The following ATXN1 variants were observed in gnomAD, a reference collection of about 807,000 sequenced individuals.
The protein encoded by ATXN1 is ataxin 1, also known as ataxin-1.
ATXN1 carries 8 observed loss-of-function variants against 56.4 expected under a neutral mutation model. That is an observed-to-expected ratio of 0.14 (90% CI 0.08 to 0.26). The LOEUF (loss-of-function observed/expected upper bound fraction) is 0.26, where lower values mean the gene tolerates loss of function less well. Among genes scored for constraint, ATXN1 ranks in the 10% least tolerant of loss-of-function variants. The pLI is 1.00. For synonymous variants in ATXN1, 514 were observed against 494.6 expected (o/e 1.04, Z -0.52); for missense variants, 987 against 1,106.5 (o/e 0.89, Z 1.53).
intron 2 of ATXN1, among the ~76,000 whole-genome samples, chr6:16,703,260 T>C (rs1157319894): frequency 6.6e-6 from 1 of 151,870 alleles, no homozygotes; most frequent in Non-Finnish European, 1.5e-5. Context: ...ATGTTCTCAC[T>C]CATAGGTGGG....
At chr6:16,616,249 T>C (rs1763206522) in intron 3 of ATXN1, 1 of 152,124 alleles carries the variant, frequency 6.6e-6, no homozygotes, top group African/African-American at 2.4e-5. Flanking sequence ...ATCAATATTA[T>C]GGTCAGTTGA....
chr6:16,682,156 C>T (rs150213780), intron 2 of ATXN1, among the ~76,000 whole-genome samples: 1,592 of 151,898 alleles, frequency 0.01, 9 homozygotes, highest in Middle Eastern at 0.037. Context: ...TCAGCATCAC[C>T]CCCTACCCAA....
At chr6:16,385,072 C>G (rs1758210861) in intron 6 of ATXN1, among the ~76,000 whole-genome samples, 1 of 152,070 alleles carries the variant, frequency 6.6e-6, no homozygotes, top group Admixed American at 6.5e-5. Context: ...GAAGAGTACA[C>G]AGGAATGTGT....
chr6:16,759,650 C>A (rs980336619), intron 1 of ATXN1, among the ~76,000 whole-genome samples: 1 of 140,424 alleles, frequency 7.1e-6, no homozygotes, highest in South Asian at 2.3e-4. Flanking sequence ...CAAAACAAAA[C>A]AGAGCAGCCA....
chr6:16,498,722 G>A (rs1490051297), intron 5 of ATXN1, among the ~76,000 whole-genome samples: 1 of 152,132 alleles, frequency 6.6e-6, no homozygotes, highest in African/African-American at 2.4e-5. Flanking sequence ...ATCTCATTGT[G>A]GTTTTGATTT....
intron 5 of ATXN1, among the ~76,000 whole-genome samples, chr6:16,500,750 A>AC (rs1337296041): frequency 2.0e-5 from 3 of 151,276 alleles, no homozygotes; most frequent in Non-Finnish European, 2.9e-5. Flanking sequence ...AAAAAAAAAA[A>AC]AAAAAAAAAA....
intron 4 of ATXN1, among the ~76,000 whole-genome samples, chr6:16,525,132 GACAAGTTGCC>G (rs1761365970): frequency 6.6e-6 from 1 of 152,086 alleles, no homozygotes; most frequent in African/African-American, 2.4e-5. Context: ...AAGTAAATGA[GACAAGTTGCC>G]ATATGATCCA....
chr6:16,758,114 G>C (rs647750), intron 1 of ATXN1, among the ~76,000 whole-genome samples: 28,518 of 152,142 alleles, frequency 0.19, 3,568 homozygotes, highest in Non-Finnish European at 0.27. Context: ...AATACATTCA[G>C]AATGTCTGCC....
chr6:16,716,312 T>C (rs1421207603), intron 2 of ATXN1, among the ~76,000 whole-genome samples: 1 of 152,230 alleles, frequency 6.6e-6, no homozygotes, highest in East Asian at 1.9e-4. Context: ...TGATTTTGCC[T>C]GGGGAAGTCA....
intron 7 of ATXN1, among the ~76,000 whole-genome samples, chr6:16,319,403 GAGA>G (rs1257572887): frequency 6.6e-6 from 1 of 152,172 alleles, no homozygotes; most frequent in East Asian, 1.9e-4. Context: ...CAAAACTATG[GAGA>G]GAGTAAAATG....
chr6:16,629,309 C>A (rs552633423), intron 3 of ATXN1, among the ~76,000 whole-genome samples: 1 of 152,216 alleles, frequency 6.6e-6, no homozygotes, highest in South Asian at 2.1e-4. Context: ...CTCACTTTTT[C>A]ATGGGGTTGA....
At chr6:16,550,155 C>CAAAAAAAAAAAAAAAAAA (rs70999336) in intron 4 of ATXN1, among the ~76,000 whole-genome samples, 1 of 91,196 alleles carries the variant, frequency 1.1e-5, no homozygotes, top group Non-Finnish European at 2.3e-5. Flanking sequence ...AAATAAAATA[C>CAAAAAAAAAAAAAAAAAA]AAAAAAAAAA....
At chr6:16,555,498 A>T (rs1215698726) in intron 4 of ATXN1, among the ~76,000 whole-genome samples, 1 of 152,096 alleles carries the variant, frequency 6.6e-6, no homozygotes, top group Non-Finnish European at 1.5e-5. Context: ...CAAACTCAAC[A>T]CTAAGGCAGA....
intron 5 of ATXN1, among the ~76,000 whole-genome samples, chr6:16,492,080 T>C (rs1051131841): frequency 1.3e-5 from 2 of 152,200 alleles, no homozygotes; most frequent in Non-Finnish European, 1.5e-5. Flanking sequence ...TTCAGTCTTA[T>C]GAAACCCTGA....
At chr6:16,456,174 C>T (rs1435855811) in intron 6 of ATXN1, among the ~76,000 whole-genome samples, 1 of 152,212 alleles carries the variant, frequency 6.6e-6, no homozygotes, top group Non-Finnish European at 1.5e-5. Context: ...CTGTAACACT[C>T]ACCGTGAAGG....
intron 2 of ATXN1, among the ~76,000 whole-genome samples, chr6:16,717,506 T>C (rs976988712): frequency 1.3e-5 from 2 of 152,236 alleles, no homozygotes; most frequent in Non-Finnish European, 2.9e-5. Context: ...CTGCTGCTGA[T>C]ACCTGCAGCC....
At position 16,612,799 on chromosome 6, in the gene ATXN1, G is replaced by A. The variant is rs564950442; in HGVS notation, c.-488-26892C>T. On this transcript the variant is annotated intron_variant, in intron 3 of 7. Transcript: ENST00000436367. ...CCAGCTACTTGGGAGGCTGAGGCAG[G>A]AGAATCACTTGAACCCGTAAGGTGG... Among the ~76,000 whole-genome samples the A allele has an allele frequency of 2.6e-5, 4 of 151,748 alleles. No individual in the cohort carries two copies. In the East Asian group the frequency reaches 5.8e-4, roughly 22 times the overall value.
intron 4 of ATXN1, among the ~76,000 whole-genome samples, chr6:16,548,579 A>G (rs932745178): frequency 1.3e-5 from 2 of 152,140 alleles, no homozygotes; most frequent in African/African-American, 4.8e-5. Context: ...ATCTTTATTC[A>G]ATAAACATTT....
chr6:16,515,388 T>C (rs955339541), intron 5 of ATXN1, among the ~76,000 whole-genome samples: 2 of 151,976 alleles, frequency 1.3e-5, no homozygotes, highest in Admixed American at 6.6e-5. Flanking sequence ...GCACTGCCCA[T>C]TTACACAGTG....
Sources: gnomAD v4.1 joint callset for allele counts (sites outside exome capture counted in the v4.1 genomes callset) on GRCh38, gnomAD v4.1.1 for gene constraint, MANE v1.5 for transcripts, NCBI Gene and HGNC (gene_info 2026-07-23, HGNC 2026-07-21) for gene names.